Variants in CNGA1 observed in about 807,000 individuals in gnomAD.
CNGA1 encodes cyclic nucleotide-gated channel alpha-1.
Under a neutral mutation model 69.7 loss-of-function variants are expected in CNGA1, and 53 were observed. The observed-to-expected ratio is 0.76, with a 90% CI of 0.61 to 0.96. The LOEUF (loss-of-function observed/expected upper bound fraction) is 0.96, where lower values mean the gene tolerates loss of function less well. Ranked by LOEUF, CNGA1 falls within the 40% of genes least tolerant of loss-of-function variation. CNGA1 has a pLI of 0.00. For missense variants in CNGA1, 739 were observed against 811.2 expected, an observed-to-expected ratio of 0.91 and a Z score of 1.08; for synonymous variants, 249 against 283.5, an observed-to-expected ratio of 0.88 and a Z score of 1.22.
intron 3 of CNGA1, among the ~76,000 whole-genome samples, chr4:47,958,726 A>T (rs1740246185): frequency 6.6e-6 from 1 of 152,034 alleles, no homozygotes; most frequent in African/African-American, 2.4e-5. Context: ...CACACTGGCT[A>T]CTACATGGGT....
chr4:47,966,470 G>T (rs1435471780), intron 3 of CNGA1, among the ~76,000 whole-genome samples: 2 of 152,118 alleles, frequency 1.3e-5, no homozygotes, highest in Non-Finnish European at 2.9e-5. Flanking sequence ...ATATTACAGG[G>T]CCCTATTTGC....
intron 3 of CNGA1, among the ~76,000 whole-genome samples, chr4:47,958,379 C>G (rs1411628060): frequency 2.0e-5 from 3 of 152,136 alleles, no homozygotes; most frequent in African/African-American, 7.2e-5. Context: ...AATCCCAGCA[C>G]TTTGGGAGGC....
chr4:47,992,401 C>T (rs1742306520), intron 2 of CNGA1, among the ~76,000 whole-genome samples: 1 of 151,406 alleles, frequency 6.6e-6, no homozygotes, highest in South Asian at 2.1e-4. Flanking sequence ...AGGTATATTC[C>T]TAAGTATTTT....
Position 47,936,463 on chromosome 4 carries a change from A to G in CNGA1, c.2019T>C (p.Ile673=). The G allele has an allele frequency of 5.0e-6, 8 of 1,614,190 alleles. No homozygotes were observed. The highest frequency in any genetic ancestry group is 6.8e-6 in the Non-Finnish European group (8 of 1,180,032). The change falls in exon 11 of 11, where the codon ATT becomes ATC. Residue 673 remains isoleucine, a synonymous_variant. Transcript: ENST00000514170. ...KPLIDTEFSS[I]EGPGAESGPI... is the part of the protein sequence containing the mutation. Reference sequence around the variant, plus strand: ...GCCCACTTTCCGCTCCAGGTCCCTCAATACTTGAAAATTCTGTGTCAATAA... The same window carrying G: ...GCCCACTTTCCGCTCCAGGTCCCTCGATACTTGAAAATTCTGTGTCAATAA...
intron 2 of CNGA1, among the ~76,000 whole-genome samples, chr4:47,990,626 C>T (rs1031689017): frequency 1.3e-5 from 2 of 152,098 alleles, no homozygotes; most frequent in African/African-American, 2.4e-5. Flanking sequence ...TTTGTACACC[C>T]CCTCCCTTTC....
intron 1 of CNGA1, among the ~76,000 whole-genome samples, chr4:48,015,363 T>TA (rs1306305461): frequency 6.6e-6 from 1 of 152,180 alleles, no homozygotes; most frequent in East Asian, 1.9e-4. Context: ...CTTGGACTGG[T>TA]ATGTTGACTA....
chr4:48,004,801 C>G (rs575441218), intron 2 of CNGA1, among the ~76,000 whole-genome samples: 1 of 149,566 alleles, frequency 6.7e-6, no homozygotes, highest in African/African-American at 2.5e-5. Flanking sequence ...TTTAAGTTGT[C>G]TAGCTTCTGT....
intron 5 of CNGA1, 50 bp from the exon 6 acceptor site, chr4:47,949,945 A>G: frequency 7.1e-6 from 11 of 1,548,108 alleles, no homozygotes; most frequent in Non-Finnish European, 8.9e-6. Context: ...CCATCTGTAT[A>G]ATGTCCATGG....
At chr4:47,971,053 C>T (rs1490215015) in intron 3 of CNGA1, 2 of 453,224 alleles carry the variant, frequency 4.4e-6, no homozygotes, top group South Asian at 1.6e-5. Flanking sequence ...TGCAGTGAGC[C>T]GAGATCGCGC....
At chr4:47,964,611 T>C (rs1740625781) in intron 3 of CNGA1, among the ~76,000 whole-genome samples, 1 of 152,084 alleles carries the variant, frequency 6.6e-6, no homozygotes, top group Non-Finnish European at 1.5e-5. Flanking sequence ...TAGCTTTATA[T>C]TTTCTGAGTG....
chr4:47,949,701 A>T, intron 6 of CNGA1, 132 bp downstream of exon 6: 1 of 669,776 alleles, frequency 1.5e-6, no homozygotes. Flanking sequence ...AAATGATAAG[A>T]CTATCATTGC....
chr4:47,952,587 A>G lies in CNGA1; in HGVS notation c.103T>C (p.Cys35Arg), dbSNP rs1578078378. The change falls in exon 4 of 11, where the codon TGC becomes CGC. Residue 35 changes from cysteine to arginine, a missense_variant. Cys to Arg is a radical substitution (Grantham distance 180). Coordinates refer to ENST00000514170, the MANE Select transcript of CNGA1 (RefSeq NM_001379270.1). ...TGGGAAAATGTTTGGATTTACCTGC[A>G]TGCTCCATTTTCCATCCTTCGTATT... Reference protein sequence around the residue: ...KEIRRMENGACSSFSEDDDSA... With the variant: ...KEIRRMENGARSSFSEDDDSA... The G allele has an allele frequency of 6.2e-7, 1 of 1,612,786 alleles. No homozygotes were observed. The highest frequency in any genetic ancestry group is 8.5e-7 in the Non-Finnish European group (1 of 1,179,180).
chr4:47,989,692 G>T (rs1055869336), intron 2 of CNGA1, among the ~76,000 whole-genome samples: 1 of 149,156 alleles, frequency 6.7e-6, no homozygotes, highest in Non-Finnish European at 1.5e-5. Context: ...GTGGTGTTTG[G>T]TTACATGAGT....
At chr4:47,938,614 A>G (rs886105620) in intron 10 of CNGA1, among the ~76,000 whole-genome samples, 1 of 151,972 alleles carries the variant, frequency 6.6e-6, no homozygotes, top group Admixed American at 6.6e-5. Flanking sequence ...GCTGGTCTTG[A>G]TCTCCTGACC....
intron 2 of CNGA1, among the ~76,000 whole-genome samples, chr4:47,982,520 T>C (rs1309011680): frequency 6.6e-6 from 1 of 152,038 alleles, no homozygotes; most frequent in Non-Finnish European, 1.5e-5. Flanking sequence ...ACATGCTTCA[T>C]AAAAAGATAT....
intron 3 of CNGA1, among the ~76,000 whole-genome samples, chr4:47,977,221 T>G (rs567392505): frequency 7.0e-4 from 106 of 152,264 alleles, no homozygotes; most frequent in African/African-American, 2.5e-3. Flanking sequence ...GCCATTAGGC[T>G]GGACCCAACC....
chr4:48,011,750 T>TG (rs1303019287), intron 1 of CNGA1, among the ~76,000 whole-genome samples: 1 of 152,146 alleles, frequency 6.6e-6, no homozygotes, highest in African/African-American at 2.4e-5. Flanking sequence ...CAGGTGGGTG[T>TG]GGGGGGCTTC....
At chr4:47,976,916 G>T (rs1741447818) in intron 3 of CNGA1, among the ~76,000 whole-genome samples, 1 of 152,196 alleles carries the variant, frequency 6.6e-6, no homozygotes, top group African/African-American at 2.4e-5. Context: ...TATCACGTGT[G>T]CATAGGCCAA....
chr4:48,015,199 A>AG, intron 1 of CNGA1, among the ~76,000 whole-genome samples: 1 of 152,224 alleles, frequency 6.6e-6, no homozygotes, highest in East Asian at 1.9e-4. Context: ...AACCAAGCCA[A>AG]ACAAACAAAC....
Sources: allele counts gnomAD v4.1 joint callset (sites outside exome capture counted in the v4.1 genomes callset), GRCh38; gene constraint gnomAD v4.1.1; transcripts MANE v1.5; gene names NCBI Gene and HGNC (gene_info 2026-07-23, HGNC 2026-07-21).